Variants in HM13 observed in about 807,000 individuals in gnomAD.
HM13 encodes the protein histocompatibility minor 13.
In HM13, 18 loss-of-function variants were observed where a neutral mutation model predicts 50.0. That is an observed-to-expected ratio of 0.36 (90% confidence interval 0.25 to 0.53). The LOEUF (loss-of-function observed/expected upper bound fraction) is 0.53. HM13 is among the 20% of genes least tolerant of loss of function. The probability of loss-of-function intolerance (pLI) is 0.90; values close to 1 mark genes in which losing one functional copy is unlikely to be tolerated. For synonymous variants in HM13, 197 were observed against 232.6 expected, an observed-to-expected ratio of 0.85 and a Z score of 1.39; for missense variants, 393 against 552.4, an observed-to-expected ratio of 0.71 and a Z score of 2.89.
At chr20:31,544,897 G>A (rs1983625799) in intron 3 of HM13, 50 bp from the exon 4 acceptor site, 1 of 1,492,094 alleles carries the variant, frequency 6.7e-7, no homozygotes, top group Non-Finnish European at 9.3e-7. Flanking sequence ...TGTTAAGGCT[G>A]ACTGCCCATG....
intron 1 of HM13, among the ~76,000 whole-genome samples, chr20:31,526,243 C>T (rs1410189017): frequency 6.6e-6 from 1 of 152,020 alleles, no homozygotes; most frequent in East Asian, 1.9e-4. Flanking sequence ...ACTGCAACCT[C>T]CACCTCCTGG....
At chr20:31,547,254 A>G (rs1983775053) in intron 4 of HM13, 1 of 209,884 alleles carries the variant, frequency 4.8e-6, no homozygotes, top group Non-Finnish European at 9.5e-6. Flanking sequence ...AGCGATCCTC[A>G]TTGGAGAGGA....
intron 7 of HM13, 44 bp downstream of exon 7, chr20:31,550,165 G>C (rs777791533): frequency 2.8e-6 from 4 of 1,435,284 alleles, no homozygotes; most frequent in Non-Finnish European, 3.9e-6. Flanking sequence ...CCCCACCCCT[G>C]CCGGGCCATG....
At chr20:31,516,857 C>T (rs1013500132) in intron 1 of HM13, among the ~76,000 whole-genome samples, 5 of 152,182 alleles carry the variant, frequency 3.3e-5, no homozygotes, top group African/African-American at 7.2e-5. Context: ...AAAACCTTGA[C>T]GCCCTTTGAT....
intron 8 of HM13, among the ~76,000 whole-genome samples, chr20:31,558,951 G>A (rs1377145523): frequency 1.3e-5 from 2 of 151,328 alleles, no homozygotes; most frequent in South Asian, 2.1e-4. Context: ...ACAGAGTCTC[G>A]CTGTGTCACC....
At chr20:31,560,027 C>T (rs989461416) in intron 9 of HM13, among the ~76,000 whole-genome samples, 7 of 152,192 alleles carry the variant, frequency 4.6e-5, no homozygotes, top group Admixed American at 4.6e-4. Context: ...CTCAGTCGCT[C>T]TTGGTTGAAT....
At position 31,545,067 on chromosome 20, in the gene HM13, C is replaced by T. The variant is rs750480913; in HGVS notation, c.454+32C>T. 2.6e-6 allele frequency: 4 copies of T among 1,526,872 alleles called. No homozygotes were observed. The South Asian group carries it at 3.4e-5, about 13-fold the overall frequency. 94.6% of individuals were successfully genotyped at this position (1,526,872 alleles called of 1,614,324 possible). A position where few individuals can be genotyped will look rare whatever the true frequency, so the allele number is the denominator to read the frequency against. On this transcript the variant is annotated intron_variant, in intron 4 of 12. Transcript: ENST00000398174. ...GCTAACCACTTTCCCCTGTAGTGTG[C>T]CTTGGGTGTCTTCCTCCACCATTCC...
At chr20:31,538,499 C>T (rs1983250701) in intron 3 of HM13, 2 of 1,403,544 alleles carry the variant, frequency 1.4e-6, no homozygotes, top group Admixed American at 5.9e-5. Context: ...ACCACCACAG[C>T]TGTTGGGAAA....
chr20:31,514,609 A>G lies in HM13; in HGVS notation c.58A>G (p.Asn20Asp). 3 of 1,599,398 alleles carry G rather than the reference A, an allele frequency of 1.9e-6. No homozygotes were observed. Reference protein sequence around the residue: ...NGSAEAGGPTNSTTRPPSTPE... With the variant: ...NGSAEAGGPTDSTTRPPSTPE... ...CAGTGCCGAGGCAGGCGGCCCCACC[A>G]ACAGCACTACGCGGCCGCCTTCCAC... Residue 20 changes from asparagine to aspartate, a missense_variant, in exon 1 of 13, where the codon AAC becomes GAC. This residue lies in a region of HM13 where 214 missense variants were observed against 276.1 expected (regional missense o/e 0.77). Coordinates refer to ENST00000398174, the MANE Select transcript of HM13 (RefSeq NM_178581.3). The surrounding 1 kb of genome is among the most constrained non-coding windows in gnomAD (Gnocchi z 4.3).
chr20:31,567,085 C>T (rs1984965717), intron 11 of HM13, among the ~76,000 whole-genome samples: 1 of 152,156 alleles, frequency 6.6e-6, no homozygotes, highest in Non-Finnish European at 1.5e-5. Context: ...ACTCACCCCT[C>T]CCCCGGACCT....
chr20:31,520,558 C>T (rs1311881016), intron 1 of HM13, among the ~76,000 whole-genome samples: 1 of 152,216 alleles, frequency 6.6e-6, no homozygotes. Context: ...CCCACCTCGG[C>T]CTCCCATAGT....
intron 12 of HM13, 172 bp downstream of exon 12, chr20:31,568,396 G>A: frequency 3.1e-6 from 3 of 953,198 alleles, no homozygotes; most frequent in Non-Finnish European, 3.0e-6. Context: ...ATAGGGCTGG[G>A]AAGCAGGACA....
chr20:31,556,987 C>T (rs1346677502), intron 8 of HM13, among the ~76,000 whole-genome samples: 1 of 149,168 alleles, frequency 6.7e-6, no homozygotes, highest in Non-Finnish European at 1.5e-5. Context: ...CCACTGCACT[C>T]CAGCCTGGGC....
intron 2 of HM13, among the ~76,000 whole-genome samples, chr20:31,534,998 G>A (rs1003925785): frequency 4.6e-5 from 7 of 151,716 alleles, no homozygotes; most frequent in Non-Finnish European, 1.0e-4. Context: ...AGGCAGGAGA[G>A]TGGCGTGAAC....
rs540557033 is a variant in HM13, at chr20:31,528,463, C to G, written c.282+881C>G. 2.0e-5 allele frequency among the ~76,000 whole-genome samples: 3 copies of G among 151,992 alleles called. No homozygotes were observed. In the East Asian group the frequency reaches 5.8e-4, roughly 30 times the overall value. Reference sequence around the variant, plus strand: ...TCCCAAGTAGCTGGGATTATAGGCACGCACCACCACACCCTGCTAATGTTT... The same window carrying G: ...TCCCAAGTAGCTGGGATTATAGGCAGGCACCACCACACCCTGCTAATGTTT... On this transcript the variant is annotated intron_variant, in intron 2 of 12. Coordinates refer to ENST00000398174, the MANE Select transcript of HM13 (RefSeq NM_178581.3).
intron 1 of HM13, among the ~76,000 whole-genome samples, chr20:31,527,098 T>G (rs1010392637): frequency 6.6e-5 from 10 of 152,174 alleles, no homozygotes; most frequent in African/African-American, 2.4e-4. Flanking sequence ...CCCAGCACTT[T>G]GGGAGGCCGA....
chr20:31,526,285 A>G (rs1982488793), intron 1 of HM13, among the ~76,000 whole-genome samples: 1 of 151,686 alleles, frequency 6.6e-6, no homozygotes, highest in South Asian at 2.1e-4. Flanking sequence ...CAGCCTCCTG[A>G]GTAGCTGGGA....
At chr20:31,545,720 G>T (rs1983675812) in intron 4 of HM13, among the ~76,000 whole-genome samples, 1 of 152,154 alleles carries the variant, frequency 6.6e-6, no homozygotes, top group Non-Finnish European at 1.5e-5. Context: ...CCAAACAGCA[G>T]GTATTTCTTT....
At chr20:31,542,960 C>CT (rs1259921363) in intron 3 of HM13, among the ~76,000 whole-genome samples, 1 of 152,222 alleles carries the variant, frequency 6.6e-6, no homozygotes, top group Non-Finnish European at 1.5e-5. Flanking sequence ...CTGTCACACT[C>CT]TGCTGGTTGA....
Sources: allele counts gnomAD v4.1 joint callset (sites outside exome capture counted in the v4.1 genomes callset), GRCh38; gene constraint gnomAD v4.1.1; regional missense constraint gnomAD v4.1.1; non-coding constraint Gnocchi (gnomAD v3.1); transcripts MANE v1.5; gene names NCBI Gene and HGNC (gene_info 2026-07-23, HGNC 2026-07-21).